The following TMEM204 variants were observed in gnomAD, a reference collection of about 807,000 sequenced individuals.
TMEM204 encodes transmembrane protein 204.
A neutral mutation model predicts 19.4 loss-of-function variants in TMEM204; 15 were observed. That is an observed-to-expected ratio of 0.77 (90% CI 0.52 to 1.19). The LOEUF is 1.19. Among genes scored for constraint, TMEM204 ranks in the 50% most tolerant of loss-of-function variants. The pLI is 0.00. For synonymous variants in TMEM204, 161 were observed against 146.0 expected (o/e 1.10, Z -0.74); for missense variants, 287 against 321.2 (o/e 0.89, Z 0.81).
intron 2 of TMEM204, among the ~76,000 whole-genome samples, chr16:1,543,700 C>T (rs1596334632): frequency 6.6e-6 from 1 of 152,254 alleles, no homozygotes; most frequent in Non-Finnish European, 1.5e-5. Context: ...GCCTCCTCCC[C>T]TCCTGCATGA....
chr16:1,537,085 C>T (rs1333625570), intron 1 of TMEM204, among the ~76,000 whole-genome samples: 1 of 152,248 alleles, frequency 6.6e-6, no homozygotes, highest in African/African-American at 2.4e-5. Context: ...TAAAATCACC[C>T]AGCACGTATG....
chr16:1,544,440 C>T lies in TMEM204; in HGVS notation c.436+2364C>T, dbSNP rs533927454. On this transcript the variant is annotated intron_variant, in intron 2 of 2. Coordinates refer to ENST00000566264, the MANE Select transcript of TMEM204 (RefSeq NM_024600.6). ...GACCTCGTGATCCGCCCACCTTGGC[C>T]TCCCAAAGTGCTAGGATTATAGGCG... Among the ~76,000 whole-genome samples, 5 of 152,084 alleles carry T rather than the reference C, an allele frequency of 3.3e-5. No individual in the cohort carries two copies. The South Asian group carries it at 1.0e-3, about 32-fold the overall frequency.
At chr16:1,543,864 G>A (rs760089696) in intron 2 of TMEM204, among the ~76,000 whole-genome samples, 6 of 152,234 alleles carry the variant, frequency 3.9e-5, no homozygotes, top group Non-Finnish European at 8.8e-5. Flanking sequence ...CGGAAATGCC[G>A]TGGCTTAAAG....
chr16:1,552,905 A>G (rs1336142346), intron 2 of TMEM204: 29 of 926,228 alleles, frequency 3.1e-5, no homozygotes, highest in Non-Finnish European at 3.7e-5. Flanking sequence ...CACCCGCCTC[A>G]GCCTCCCAAA....
At position 1,534,285 on chromosome 16, in the gene TMEM204, C is replaced by T; in HGVS notation, c.10C>T (p.Gln4Ter). Residue 4 changes from glutamine to a stop codon, truncating the protein, a stop_gained, in exon 1 of 3, where the codon CAG (glutamine) becomes TAG (stop). Coordinates refer to ENST00000566264, the MANE Select transcript of TMEM204 (RefSeq NM_024600.6). LOFTEE classifies it high-confidence loss of function. ...GGCACCGGCGTCAGCGATGACCGTG[C>T]AGAGACTCGTGGCCGCGGCCGTGCT... The part of the protein sequence containing the change: MTV[Q>*]RLVAAAVLVA... 1 of 1,612,086 alleles carries T rather than the reference C, an allele frequency of 6.2e-7. No individual in the cohort carries two copies. Among genetic ancestry groups the T allele is most frequent in the Non-Finnish European group, 8.5e-7 (1 of 1,179,816 alleles).
At chr16:1,544,196 T>G (rs2031931850) in intron 2 of TMEM204, among the ~76,000 whole-genome samples, 1 of 151,288 alleles carries the variant, frequency 6.6e-6, no homozygotes, top group Non-Finnish European at 1.5e-5. Flanking sequence ...TTTTTTTTTT[T>G]TTTTTGAGAC....
intron 2 of TMEM204, among the ~76,000 whole-genome samples, chr16:1,545,448 A>G (rs1028447384): frequency 6.6e-6 from 1 of 152,192 alleles, no homozygotes; most frequent in Non-Finnish European, 1.5e-5. Flanking sequence ...GACTTGTTTC[A>G]TTGACAAACA....
At chr16:1,548,941 G>T (rs1180705915) in intron 2 of TMEM204, among the ~76,000 whole-genome samples, 1 of 152,248 alleles carries the variant, frequency 6.6e-6, no homozygotes, top group Non-Finnish European at 1.5e-5. Flanking sequence ...CTCATGCCAG[G>T]CATCTGTTCA....
chr16:1,541,780 G>A, intron 1 of TMEM204, 141 bp from the exon 2 acceptor site: 1 of 1,040,834 alleles, frequency 9.6e-7, no homozygotes, highest in South Asian at 1.7e-5. Context: ...GATGCTTCCC[G>A]AAGCCACTGC....
rs958205241 is a variant in TMEM204 at position 1,554,959 on chromosome 16, T to A, written c.614T>A (p.Ile205Asn). ...TGCATGGCCCCCCGGGTGATTGTCA[T>A]CAGCCGCTCCCTGACAGCGCGCTTT... Reference protein sequence around the residue: ...EDCMAPRVIVISRSLTARFRR... With the variant: ...EDCMAPRVIVNSRSLTARFRR... Residue 205 changes from isoleucine (I) to asparagine (N), a missense_variant, in exon 3 of 3, where the codon ATC (isoleucine) becomes AAC (asparagine). By Grantham distance (149) the Ile-to-Asn change is moderately radical. Coordinates refer to ENST00000566264, the MANE Select transcript of TMEM204 (RefSeq NM_024600.6). 6.2e-7 allele frequency: 1 copy of A among 1,614,094 alleles called. No individual in the cohort carries two copies. The highest frequency in any genetic ancestry group is 8.5e-7 in the Non-Finnish European group (1 of 1,180,028).
Position 1,551,785 on chromosome 16 carries a change from G to A in TMEM204, c.437-2997G>A, listed in dbSNP as rs555553553. 6.6e-6 allele frequency among the ~76,000 whole-genome samples: 1 copy of A among 152,268 alleles called. No individual in the cohort carries two copies. Among genetic ancestry groups the A allele is most frequent in the African/African-American group, 2.4e-5 (1 of 41,556 alleles). On this transcript the variant is annotated intron_variant, in intron 2 of 2. Coordinates refer to ENST00000566264, the MANE Select transcript of TMEM204 (RefSeq NM_024600.6). The surrounding 1 kb of genome is among the most constrained non-coding windows in gnomAD (Gnocchi z 4.0). Reference sequence around the variant, plus strand: ...CACACGTGCGTGGTCCGGCAGATCCGGCAAGATCAACTCTGCGGGACCTCC... The same window carrying A: ...CACACGTGCGTGGTCCGGCAGATCCAGCAAGATCAACTCTGCGGGACCTCC...
intron 1 of TMEM204, chr16:1,541,299 C>T: frequency 1.0e-6 from 1 of 985,046 alleles, no homozygotes; most frequent in Non-Finnish European, 1.2e-6. Flanking sequence ...AGGTGGGGGG[C>T]ACTGGTTCAG....
upstream of TMEM204, among the ~76,000 whole-genome samples, chr16:1,529,469 C>T (rs545259922): frequency 2.0e-5 from 3 of 152,346 alleles, no homozygotes; most frequent in Non-Finnish European, 2.9e-5. Flanking sequence ...AAGGTGACAC[C>T]GGGTGCATGG....
At position 1,553,949 on chromosome 16, in the gene TMEM204, G is replaced by A. The variant is rs1035592195; in HGVS notation, c.437-833G>A. ...GCTCCTCAAAGATAAAACTGTAAGT[G>A]AAACTGTAGCATCAGCGACTAACTA... On this transcript the variant is annotated intron_variant, in intron 2 of 2. Coordinates refer to ENST00000566264, the MANE Select transcript of TMEM204 (RefSeq NM_024600.6). This position sits in a 1 kb window ranked among gnomAD's most constrained non-coding sequence, Gnocchi z 4.4. 7.8e-7 allele frequency: 1 copy of A among 1,286,806 alleles called. No homozygotes were observed. The highest frequency in any genetic ancestry group is 1.0e-6 in the Non-Finnish European group (1 of 988,356). 79.7% of individuals were successfully genotyped at this position (1,286,806 alleles called of 1,614,324 possible).
intron 2 of TMEM204, among the ~76,000 whole-genome samples, chr16:1,544,718 G>C (rs191374597): frequency 1.3e-5 from 2 of 151,336 alleles, no homozygotes; most frequent in Non-Finnish European, 2.9e-5. Flanking sequence ...GCGCGATCTC[G>C]GCTCACTGCA....
At chr16:1,554,199 C>T in intron 2 of TMEM204, 1 of 1,144,216 alleles carries the variant, frequency 8.7e-7, no homozygotes, top group Non-Finnish European at 1.1e-6. Flanking sequence ...GAGCTGCAGA[C>T]TCCAGGCCAT....
intron 1 of TMEM204, among the ~76,000 whole-genome samples, chr16:1,539,957 C>G (rs771468491): frequency 6.6e-6 from 1 of 152,190 alleles, no homozygotes; most frequent in South Asian, 2.1e-4. Context: ...CAGGCCGGAG[C>G]GGGCACAGTG....
chr16:1,535,026 G>A lies in TMEM204; in HGVS notation c.280+471G>A, dbSNP rs770989743. On this transcript the variant is annotated intron_variant, in intron 1 of 2. Transcript: ENST00000566264. ...TCAAGACGAACCTAGCCTACATAGC[G>A]AGAGACCCTGTCTCTGAACATAAAA... 3.3e-5 allele frequency among the ~76,000 whole-genome samples: 5 copies of A among 152,154 alleles called. No homozygotes were observed. In the South Asian group the frequency reaches 8.3e-4, roughly 25 times the overall value.
chr16:1,535,994 G>A (rs2076503241), intron 1 of TMEM204, among the ~76,000 whole-genome samples: 1 of 152,260 alleles, frequency 6.6e-6, no homozygotes, highest in African/African-American at 2.4e-5. Flanking sequence ...CCGTTACTGT[G>A]CTGAACCTCT....
Sources: gnomAD v4.1 joint callset for allele counts (sites outside exome capture counted in the v4.1 genomes callset) on GRCh38, gnomAD v4.1.1 for gene constraint, Gnocchi (gnomAD v3.1) non-coding constraint, MANE v1.5 for transcripts, NCBI Gene and HGNC (gene_info 2026-07-23, HGNC 2026-07-21) for gene names.